Variants in HDAC9 observed in about 807,000 individuals in gnomAD.
HDAC9 encodes the protein MEF-2 interacting transcription repressor (MITR) protein.
In HDAC9, 41 loss-of-function variants were observed where a neutral mutation model predicts 139.4. The ratio of observed to expected loss-of-function variants is 0.29; its 90% CI spans 0.23 to 0.38. The LOEUF is 0.38. HDAC9 is among the 10% of genes least tolerant of loss of function. HDAC9 has a pLI of 1.00. For missense variants in HDAC9, 1,147 were observed against 1,297.0 expected (o/e 0.88, Z 1.78); for synonymous variants, 517 against 476.2 (o/e 1.09, Z -1.12).
chr7:18,531,503 T>C (rs931498600), intron 2 of HDAC9, among the ~76,000 whole-genome samples: 2 of 152,142 alleles, frequency 1.3e-5, no homozygotes. Context: ...AATGTACTCT[T>C]GAAAAAAACT....
intron 1 of HDAC9, among the ~76,000 whole-genome samples, chr7:18,485,108 C>T (rs180934978): frequency 1.3e-5 from 2 of 152,180 alleles, no homozygotes; most frequent in Admixed American, 1.3e-4. Context: ...GGAGAGAAAA[C>T]ATTAGTTGGG....
chr7:18,166,068 C>T (rs1410510938), intron 2 of HDAC9, among the ~76,000 whole-genome samples: 1 of 152,174 alleles, frequency 6.6e-6, no homozygotes, highest in Non-Finnish European at 1.5e-5. Context: ...AATTGGGCTA[C>T]ATCAACCCTA....
intron 24 of HDAC9, among the ~76,000 whole-genome samples, chr7:18,964,152 G>T (rs1003980198): frequency 5.3e-5 from 8 of 152,044 alleles, no homozygotes; most frequent in African/African-American, 1.9e-4. Flanking sequence ...AAACCTAAAT[G>T]GGCCCATTAC....
intron 1 of HDAC9, among the ~76,000 whole-genome samples, chr7:18,326,359 A>G (rs995740746): frequency 3.3e-5 from 5 of 152,072 alleles, no homozygotes; most frequent in African/African-American, 9.7e-5. Flanking sequence ...AATTTTTACA[A>G]TTTGTTTGGG....
chr7:18,664,616 C>G (rs1376184029), intron 11 of HDAC9, among the ~76,000 whole-genome samples: 1 of 152,020 alleles, frequency 6.6e-6, no homozygotes, highest in Non-Finnish European at 1.5e-5. Flanking sequence ...ATGCTCCCCA[C>G]CCTTATTTCC....
intron 17 of HDAC9, among the ~76,000 whole-genome samples, chr7:18,824,592 G>C (rs559253032): frequency 6.6e-6 from 1 of 152,178 alleles, no homozygotes; most frequent in Non-Finnish European, 1.5e-5. Context: ...GGTAATTATA[G>C]GGTCTAGGAA....
At position 18,479,106 on chromosome 7, in the gene HDAC9, A is replaced by T. The variant is rs1299135077; in HGVS notation, c.-41-17156A>T. Among the ~76,000 whole-genome samples, 4 of 152,206 alleles carry T rather than the reference A, an allele frequency of 2.6e-5. No individual in the cohort carries two copies. The South Asian group carries it at 8.3e-4, about 32-fold the overall frequency. ...CCTTTTTAAAAGTGTCTTTGCACAAAATTATATTATTATATCATGTTTATC... is the reference window on the plus strand; with the variant it reads ...CCTTTTTAAAAGTGTCTTTGCACAATATTATATTATTATATCATGTTTATC... On this transcript the variant is annotated intron_variant, in intron 1 of 3. Transcript: ENST00000413509.
At chr7:18,425,914 G>A (rs1790074052) in intron 1 of HDAC9, among the ~76,000 whole-genome samples, 1 of 152,174 alleles carries the variant, frequency 6.6e-6, no homozygotes, top group African/African-American at 2.4e-5. Flanking sequence ...CCTGCCTTTT[G>A]CCAAGCCAGA....
At chr7:18,492,804 C>A (rs1193973162), upstream of HDAC9, among the ~76,000 whole-genome samples, 2 of 151,972 alleles carry the variant, frequency 1.3e-5, no homozygotes, top group African/African-American at 4.8e-5. Flanking sequence ...ATTAACTCAA[C>A]ATTCTTAATA....
intron 1 of HDAC9, among the ~76,000 whole-genome samples, chr7:18,353,992 A>G (rs1357496651): frequency 6.6e-6 from 1 of 152,154 alleles, no homozygotes; most frequent in Non-Finnish European, 1.5e-5. Flanking sequence ...GCACATTCTA[A>G]GCCAAGGGTG....
chr7:18,436,586 T>A (rs1791222493), intron 1 of HDAC9, among the ~76,000 whole-genome samples: 1 of 152,238 alleles, frequency 6.6e-6, no homozygotes, highest in Admixed American at 6.5e-5. Flanking sequence ...AACATTTAAT[T>A]TAACGTCTTT....
At chr7:18,847,219 T>C (rs1379295632) in intron 21 of HDAC9, among the ~76,000 whole-genome samples, 1 of 152,148 alleles carries the variant, frequency 6.6e-6, no homozygotes, top group Non-Finnish European at 1.5e-5. Flanking sequence ...CACTTTGAGG[T>C]AGTCAGATCA....
chr7:18,650,049 C>G (rs1428014069), intron 11 of HDAC9, among the ~76,000 whole-genome samples: 23 of 152,152 alleles, frequency 1.5e-4, no homozygotes, highest in Non-Finnish European at 2.8e-4. Flanking sequence ...AAATCAGTAT[C>G]TTCAGGAGAG....
Position 18,656,955 on chromosome 7 carries a change from GTCCA to G in HDAC9, c.1467+8275_1467+8278del, listed in dbSNP as rs960387979. On this transcript the variant is annotated intron_variant, in intron 11 of 25. Transcript: ENST00000686413. ...ACGTGCTCACCTGCATTCATTACGG[GTCCA>G]TCTTTTGGATAAAAGCATTTTAACT... is the stretch of plus-strand genomic sequence containing the variant. Among the ~76,000 whole-genome samples the G allele has an allele frequency of 1.5e-4, 23 of 151,814 alleles. 2 individuals carry two copies. In the East Asian group the frequency reaches 3.7e-3, roughly 24 times the overall value.
intron 1 of HDAC9, among the ~76,000 whole-genome samples, chr7:18,321,309 T>G (rs1562875430): frequency 6.6e-6 from 1 of 152,188 alleles, no homozygotes; most frequent in African/African-American, 2.4e-5. Context: ...TCCTATCCAT[T>G]CATCATTAGT....
rs369824636 is a variant in HDAC9 at position 18,591,614 on chromosome 7, G to C, written c.514G>C (p.Val172Leu). ...TCCAACTAATGGAAAAAATCATTCC[G>C]TGAGCCGCCATCCCAAGCTCTGGTA... The part of the protein sequence containing the change: ...DTPTNGKNHS[V>L]SRHPKLWYTA... The change falls in exon 5 of 26, where the codon GTG becomes CTG. Residue 172 changes from valine to leucine, a missense_variant. By Grantham distance (32) the Val-to-Leu change is conservative (BLOSUM62 1). Coordinates refer to ENST00000686413, the MANE Select transcript of HDAC9 (RefSeq NM_178425.4). The C allele has an allele frequency of 1.9e-6, 3 of 1,613,256 alleles. No individual in the cohort carries two copies. Among genetic ancestry groups the C allele is most frequent in the Non-Finnish European group, 2.5e-6 (3 of 1,179,642 alleles).
intron 2 of HDAC9, chr7:18,162,601 G>A (rs1787710893): frequency 4.0e-6 from 2 of 499,404 alleles, no homozygotes; most frequent in East Asian, 7.2e-5. Flanking sequence ...TGCTTCCAAG[G>A]TAACATTCAG....
Position 18,585,249 on chromosome 7 carries a change from C to T in HDAC9, c.23-32C>T, listed in dbSNP as rs769429748. 5.6e-6 allele frequency: 9 copies of T among 1,606,352 alleles called. No individual in the cohort carries two copies. In the East Asian group the frequency reaches 1.1e-4, roughly 20 times the overall value. Reference sequence around the variant, plus strand: ...TTTCCAATCTTCTATTACCCTCCCCCACCCCATTTCCCTTTTTTTCTGGTT... The same window carrying T: ...TTTCCAATCTTCTATTACCCTCCCCTACCCCATTTCCCTTTTTTTCTGGTT... On this transcript the variant is annotated intron_variant, in intron 2 of 25. Coordinates refer to ENST00000686413, the MANE Select transcript of HDAC9 (RefSeq NM_178425.4).
intron 22 of HDAC9, among the ~76,000 whole-genome samples, chr7:18,925,916 CTTTTCCTCAAAA>C (rs1170456390): frequency 1.4e-5 from 2 of 145,584 alleles, no homozygotes; most frequent in Non-Finnish European, 3.1e-5. Flanking sequence ...CTCTTCTTTA[CTTTTCCTCAAAA>C]AATTGCTCTC....
Sources: gnomAD v4.1 joint callset for allele counts (sites outside exome capture counted in the v4.1 genomes callset) on GRCh38, gnomAD v4.1.1 for gene constraint, MANE v1.5 for transcripts, NCBI Gene and HGNC (gene_info 2026-07-23, HGNC 2026-07-21) for gene names.